The following COL4A4 variants were observed in gnomAD, a reference collection of about 807,000 sequenced individuals.
COL4A4 encodes the protein collagen type IV alpha 4 chain, also known as collagen alpha-4(IV) chain.
Under a neutral mutation model 192.9 loss-of-function variants are expected in COL4A4, and 105 were observed. The ratio of observed to expected loss-of-function variants is 0.54; its 90% CI spans 0.46 to 0.64. The LOEUF is 0.64. Among genes scored for constraint, COL4A4 ranks in the 30% least tolerant of loss-of-function variants. The pLI, the probability that COL4A4 is intolerant of heterozygous loss-of-function variation, is 0.00. For missense variants in COL4A4, 1,967 were observed against 2,169.3 expected (o/e 0.91, Z 1.85); for synonymous variants, 762 against 769.9 (o/e 0.99, Z 0.17).
chr2:226,994,838 G>A, the COL4A4 span, among the ~76,000 whole-genome samples: 210 of 152,240 alleles, frequency 1.4e-3, 1 homozygote, highest in Non-Finnish European at 1.7e-3. Flanking sequence ...TTTCAGTAAC[G>A]ATTTCCACAG....
At chr2:227,001,280 G>C (rs930649082), downstream of COL4A4, among the ~76,000 whole-genome samples, 4 of 151,952 alleles carry the variant, frequency 2.6e-5, no homozygotes, top group Admixed American at 6.5e-5. Context: ...ATTTTTAGTA[G>C]AGATGGGGTT....
rs1409450311 is a variant in COL4A4 at position 227,005,920 on chromosome 2, A to G, written c.*1405T>C. 4 of 152,236 alleles carry G rather than the reference A, an allele frequency of 2.6e-5. No homozygotes were observed. The highest frequency in any genetic ancestry group is 4.4e-5 in the Non-Finnish European group (3 of 68,046). The allele number at this position is 152,236 out of a possible 1,614,324, so 9.4% of individuals were successfully genotyped here. ...ATCACCAAATTCCTAGCAAAACAGA[A>G]AAAGGGATCTTTTGCTTTACAGAAA... On this transcript the variant is annotated 3_prime_UTR_variant, in exon 48 of 48. Transcript: ENST00000396625.
intron 2 of COL4A4, 110 bp downstream of exon 2, chr2:227,147,303 A>T (rs2125385947): frequency 1.0e-6 from 1 of 1,000,150 alleles, no homozygotes; most frequent in Non-Finnish European, 1.6e-6. Context: ...AGCTTTCTGG[A>T]ATGATTTGGC....
rs2149706364 is a variant in COL4A4 at position 227,006,343 on chromosome 2, G to T, written c.*982C>A. Reference sequence around the variant, plus strand: ...TGTGCAGGCTCTCCTGGGGAGGGGAGTGAGATGCTTTGTATGAAGCGCGTG... The same window carrying T: ...TGTGCAGGCTCTCCTGGGGAGGGGATTGAGATGCTTTGTATGAAGCGCGTG... On this transcript the variant is annotated 3_prime_UTR_variant, in exon 48 of 48. Coordinates refer to ENST00000396625, the MANE Select transcript of COL4A4 (RefSeq NM_000092.5). 6.5e-6 allele frequency: 1 copy of T among 152,756 alleles called. No homozygotes were observed. The highest frequency in any genetic ancestry group is 2.1e-4 in the South Asian group (1 of 4,816). 9.5% of individuals were successfully genotyped at this position (152,756 alleles called of 1,614,324 possible).
intron 7 of COL4A4, among the ~76,000 whole-genome samples, chr2:227,115,128 T>C (rs1559661644): frequency 6.6e-6 from 1 of 152,134 alleles, no homozygotes; most frequent in Non-Finnish European, 1.5e-5. Flanking sequence ...TTTAAAAACA[T>C]AACATGTTCC....
chr2:227,111,302 A>G (rs1241839828), intron 9 of COL4A4, among the ~76,000 whole-genome samples: 1 of 152,184 alleles, frequency 6.6e-6, no homozygotes, highest in East Asian at 1.9e-4. Flanking sequence ...GAAGCAATGC[A>G]AGATTATTCT....
At chr2:227,114,356 A>G (rs2061376454) in intron 8 of COL4A4, among the ~76,000 whole-genome samples, 2 of 152,240 alleles carry the variant, frequency 1.3e-5, no homozygotes, top group African/African-American at 4.8e-5. Context: ...GTGGCCCACA[A>G]TGTCAGGAGT....
At chr2:227,039,643 G>T (rs1396990291) in intron 37 of COL4A4, among the ~76,000 whole-genome samples, 1 of 152,160 alleles carries the variant, frequency 6.6e-6, no homozygotes, top group Non-Finnish European at 1.5e-5. Flanking sequence ...ACTAAACTGG[G>T]AGGGTAGGAA....
rs1961924493 is a variant in COL4A4 at position 227,005,597 on chromosome 2, C to T, written c.*1728G>A. 1 of 152,120 alleles carries T rather than the reference C, an allele frequency of 6.6e-6. No individual in the cohort carries two copies. The highest frequency in any genetic ancestry group is 1.5e-5 in the Non-Finnish European group (1 of 67,994). The allele number at this position is 152,120 out of a possible 1,614,324, so 9.4% of individuals were successfully genotyped here. On this transcript the variant is annotated 3_prime_UTR_variant, in exon 48 of 48. Coordinates refer to ENST00000396625, the MANE Select transcript of COL4A4 (RefSeq NM_000092.5). ...ACATTTTTCTTTTTACCAGAAAATACTCTTAAAATAAATTGCCACCCTGGG... is the reference window on the plus strand; with the variant it reads ...ACATTTTTCTTTTTACCAGAAAATATTCTTAAAATAAATTGCCACCCTGGG...
At chr2:227,150,152 T>C (rs2063831102) in intron 1 of COL4A4, among the ~76,000 whole-genome samples, 1 of 152,136 alleles carries the variant, frequency 6.6e-6, no homozygotes, top group Admixed American at 6.5e-5. Context: ...AAATCAAGTA[T>C]ATTTAATAGG....
rs773350015 is a variant in COL4A4, at chr2:227,003,450, G to A, written c.*3875C>T. 3.9e-5 allele frequency: 6 copies of A among 152,118 alleles called. No individual in the cohort carries two copies. Among genetic ancestry groups the A allele is most frequent in the East Asian group, 1.9e-4 (1 of 5,184 alleles). The allele number at this position is 152,118 out of a possible 1,614,324, so 9.4% of individuals were successfully genotyped here. ...TAAGCCAGATTTCAAACCTGGGTTC[G>A]ACCAACTCTCAAGTCCTCTTCTTTC... On this transcript the variant is annotated 3_prime_UTR_variant, in exon 48 of 48. Coordinates refer to ENST00000396625, the MANE Select transcript of COL4A4 (RefSeq NM_000092.5).
chr2:227,037,859 CAT>C (rs1248581807), intron 37 of COL4A4, among the ~76,000 whole-genome samples: 1 of 152,124 alleles, frequency 6.6e-6, no homozygotes, highest in Non-Finnish European at 1.5e-5. Flanking sequence ...CTTTTATTTT[CAT>C]ATGTTTGTTG....
chr2:227,117,906 G>C (rs998012031), intron 7 of COL4A4, among the ~76,000 whole-genome samples: 1 of 152,062 alleles, frequency 6.6e-6, no homozygotes, highest in Non-Finnish European at 1.5e-5. Context: ...GCATTACAGG[G>C]GCTAGAAAGA....
At chr2:227,041,888 AAGAAAG>A (rs1297513958) in intron 37 of COL4A4, among the ~76,000 whole-genome samples, 2 of 148,414 alleles carry the variant, frequency 1.3e-5, no homozygotes, top group Admixed American at 6.7e-5. Flanking sequence ...GAAAGAAAGA[AAGAAAG>A]AAAGAAAGAA....
rs1232845626 is a variant in COL4A4 at position 227,063,103 on chromosome 2, A to G, written c.1988-505T>C. ...GAGGCTGGGCTAAATGTGAATAGCT[A>G]CCACTTATTGAGGGTTGGTGCTTCA... On this transcript the variant is annotated intron_variant, in intron 25 of 47. Transcript: ENST00000396625. Among the ~76,000 whole-genome samples, 9 of 152,224 alleles carry G rather than the reference A, an allele frequency of 5.9e-5. No individual in the cohort carries two copies. The South Asian group carries it at 1.0e-3, about 17-fold the overall frequency.
intron 1 of COL4A4, among the ~76,000 whole-genome samples, chr2:227,159,049 G>A (rs1387193325): frequency 6.6e-6 from 1 of 152,088 alleles, no homozygotes; most frequent in East Asian, 1.9e-4. Flanking sequence ...CCCCAAACTG[G>A]AAACAATCCA....
chr2:227,062,871 TAAAAGC>T (rs1977478500), intron 25 of COL4A4, among the ~76,000 whole-genome samples: 1 of 152,170 alleles, frequency 6.6e-6, no homozygotes, highest in Admixed American at 6.5e-5. Context: ...CAATAATCTA[TAAAAGC>T]AATGTAGATG....
chr2:226,980,304 ACTCTCGTTCC>A, the COL4A4 span, among the ~76,000 whole-genome samples: 1 of 151,908 alleles, frequency 6.6e-6, no homozygotes, highest in African/African-American at 2.4e-5. Flanking sequence ...CCCATGCCCT[ACTCTCGTTCC>A]CCACCAGAGC....
At chr2:227,140,025 A>T in intron 4 of COL4A4, 136 bp downstream of exon 4, 2 of 749,500 alleles carry the variant, frequency 2.7e-6, no homozygotes, top group Non-Finnish European at 4.7e-6. Flanking sequence ...TTAGAATGTG[A>T]AAAACTTCGG....
Sources: allele counts gnomAD v4.1 joint callset (sites outside exome capture counted in the v4.1 genomes callset), GRCh38; gene constraint gnomAD v4.1.1; transcripts MANE v1.5; gene names NCBI Gene and HGNC (gene_info 2026-07-23, HGNC 2026-07-21).